YJU2: variants seen among roughly 807,000 people sequenced by gnomAD.
The protein encoded by YJU2 is splicing factor YJU2.
Under a neutral mutation model 39.6 loss-of-function variants are expected in YJU2, and 28 were observed. That is an observed-to-expected ratio of 0.71 (90% CI 0.52 to 0.97). The LOEUF is 0.97. YJU2 is among the 50% of genes least tolerant of loss of function. YJU2 has a pLI of 0.00. For missense variants in YJU2, 328 were observed against 430.4 expected (o/e 0.76, Z 2.11); for synonymous variants, 184 against 182.4 (o/e 1.01, Z -0.07).
At chr19:4,267,171 G>A (rs149928149) in intron 6 of YJU2, among the ~76,000 whole-genome samples, 191 of 152,168 alleles carry the variant, frequency 1.3e-3, no homozygotes, top group Non-Finnish European at 1.3e-3. Flanking sequence ...AGGAGCTCAC[G>A]GCAGAGTTGG....
At chr19:4,258,889 C>T (rs527426040) in intron 5 of YJU2, among the ~76,000 whole-genome samples, 2 of 152,146 alleles carry the variant, frequency 1.3e-5, no homozygotes, top group South Asian at 2.1e-4. Flanking sequence ...ATTCCAGACT[C>T]CAGAGGAAAG....
chr19:4,248,018 C>T (rs147398613), intron 1 of YJU2: 30 of 152,214 alleles, frequency 2.0e-4, no homozygotes, highest in African/African-American at 6.7e-4. Flanking sequence ...AGGCGCCCGC[C>T]ACCATGCCTG....
Position 4,249,329 on chromosome 19 carries a change from G to A in YJU2, c.125+1G>A, listed in dbSNP as rs1970956746. On this transcript the variant is annotated splice_donor_variant, in intron 2 of 7. Transcript: ENST00000262962. LOFTEE classifies it high-confidence loss of function. ...GGCTGATGGCCCCCTTCAACATGAG[G>A]TGAGCACCCCCTGCGTGACCCCACA... is the stretch of plus-strand genomic sequence containing the variant. 1 of 1,606,690 alleles carries A rather than the reference G, an allele frequency of 6.2e-7. No homozygotes were observed. Among genetic ancestry groups the A allele is most frequent in the Non-Finnish European group, 8.5e-7 (1 of 1,173,926 alleles).
chr19:4,247,666 T>C lies in YJU2; in HGVS notation c.24+496T>C, dbSNP rs1291868605. On this transcript the variant is annotated intron_variant, in intron 1 of 7. Transcript: ENST00000262962. The stretch of plus-strand genomic sequence containing the variant: ...GTGTGTGTGTGTGTGTGTGTGTGTG[T>C]GTGTGTGTGTGTGTGTGTGTGTGTG... Among the ~76,000 whole-genome samples the C allele has an allele frequency of 9.0e-3, 777 of 86,768 alleles. 74 individuals are homozygous for C. Among genetic ancestry groups the C allele is most frequent in the African/African-American group, 0.015 (273 of 18,254 alleles). The allele number at this position is 86,768 out of a possible 152,430, so 56.9% of individuals were successfully genotyped here.
chr19:4,254,867 C>T (rs569586693), intron 4 of YJU2, among the ~76,000 whole-genome samples: 1 of 152,062 alleles, frequency 6.6e-6, no homozygotes, highest in Non-Finnish European at 1.5e-5. Context: ...ACCAGCCTGA[C>T]CAACATGGTG....
chr19:4,260,141 G>C (rs1365564899), intron 5 of YJU2, among the ~76,000 whole-genome samples: 2 of 152,162 alleles, frequency 1.3e-5, no homozygotes, highest in East Asian at 3.9e-4. Flanking sequence ...AAAAGTAGAA[G>C]GGGCCGGGCG....
chr19:4,247,087 C>G lies in YJU2; in HGVS notation c.-60C>G. 4 of 1,547,434 alleles carry G rather than the reference C, an allele frequency of 2.6e-6. No homozygotes were observed. The highest frequency in any genetic ancestry group is 2.7e-6 in the Non-Finnish European group (3 of 1,119,156). On this transcript the variant is annotated 5_prime_UTR_variant, in exon 1 of 8. Coordinates refer to ENST00000262962, the MANE Select transcript of YJU2 (RefSeq NM_018074.6). ...GGAAGTAAGGCTTCCGTCGGAAAAG[C>G]TCGATAATTACCCAGCCTAACCATT...
intron 1 of YJU2, among the ~76,000 whole-genome samples, chr19:4,248,989 C>T (rs1970953567): frequency 6.6e-6 from 1 of 152,126 alleles, no homozygotes; most frequent in Admixed American, 6.6e-5. Flanking sequence ...TGTGTATTGT[C>T]ATGACTGGTA....
At position 4,249,203 on chromosome 19, in the gene YJU2, C is replaced by G. The variant is rs201409768; in HGVS notation, c.25-25C>G. 98 of 1,523,932 alleles carry G rather than the reference C, an allele frequency of 6.4e-5. No individual in the cohort carries two copies. The African/African-American group carries it at 1.2e-3, about 19-fold the overall frequency. The allele number at this position is 1,523,932 out of a possible 1,614,324, so 94.4% of individuals were successfully genotyped here. On this transcript the variant is annotated intron_variant, in intron 1 of 7. Transcript: ENST00000262962. The stretch of plus-strand genomic sequence containing the variant: ...GCCCCTGCTTCTGAAAATAACTCCC[C>G]CAACGTTTCCTTCCTCCCCTGCAGA...
intron 3 of YJU2, among the ~76,000 whole-genome samples, chr19:4,251,881 G>A (rs10411248): frequency 0.032 from 4,880 of 151,846 alleles, 271 homozygotes; most frequent in African/African-American, 0.11. Context: ...CAGGTACTTG[G>A]GAGACCAAAG....
At chr19:4,264,954 T>C (rs1171777269) in intron 6 of YJU2, among the ~76,000 whole-genome samples, 1 of 152,204 alleles carries the variant, frequency 6.6e-6, no homozygotes, top group Admixed American at 6.6e-5. Context: ...TCTTTGAAGC[T>C]GTGTCCTCTG....
chr19:4,247,439 G>GT (rs11386562), intron 1 of YJU2: 190,565 of 358,474 alleles, frequency 0.53, 53,945 homozygotes, highest in African/African-American at 0.83. Context: ...ACCAGATAGG[G>GT]TTTTTTTTCT....
At position 4,258,438 on chromosome 19, in the gene YJU2, G is replaced by A. The variant is rs755554451; in HGVS notation, c.587+15G>A. The A allele has an allele frequency of 6.4e-7, 1 of 1,564,226 alleles. No homozygotes were observed. Among genetic ancestry groups the A allele is most frequent in the Non-Finnish European group, 8.7e-7 (1 of 1,154,942 alleles). On this transcript the variant is annotated intron_variant, in intron 5 of 7. Coordinates refer to ENST00000262962, the MANE Select transcript of YJU2 (RefSeq NM_018074.6). Reference sequence around the variant, plus strand: ...CAGGAGACCGCGTGAGTCAGGGCCGGCCCAACCCAGCCCCACCTCGCAGCC... The same window carrying A: ...CAGGAGACCGCGTGAGTCAGGGCCGACCCAACCCAGCCCCACCTCGCAGCC...
At chr19:4,265,324 T>C (rs1971107300) in intron 6 of YJU2, among the ~76,000 whole-genome samples, 1 of 152,086 alleles carries the variant, frequency 6.6e-6, no homozygotes, top group Non-Finnish European at 1.5e-5. Flanking sequence ...CACAGCTCGC[T>C]GCAGCCTCCA....
Position 4,267,860 on chromosome 19 carries a change from T to C in YJU2, c.859+86T>C, listed in dbSNP as rs1266273642. 5 of 1,319,998 alleles carry C rather than the reference T, an allele frequency of 3.8e-6. No individual in the cohort carries two copies. In the African/African-American group the frequency reaches 7.3e-5, roughly 19 times the overall value. 81.8% of individuals were successfully genotyped at this position (1,319,998 alleles called of 1,614,324 possible). On this transcript the variant is annotated intron_variant, in intron 7 of 7. Coordinates refer to ENST00000262962, the MANE Select transcript of YJU2 (RefSeq NM_018074.6). Reference sequence around the variant, plus strand: ...AGCTCCCTTTGCAGTTACAGAGACTTCATGGGGTGGGTGGGGGCGGCCTGC... The same window carrying C: ...AGCTCCCTTTGCAGTTACAGAGACTCCATGGGGTGGGTGGGGGCGGCCTGC...
intron 6 of YJU2, among the ~76,000 whole-genome samples, chr19:4,264,511 A>C (rs370986795): frequency 1.6e-4 from 23 of 144,046 alleles, no homozygotes; most frequent in Middle Eastern, 3.7e-3. Flanking sequence ...TTTTTTAGAC[A>C]GTTTCACTCT....
rs143130335 is a variant in YJU2 at position 4,262,252 on chromosome 19, G to A, written c.708+138G>A. Reference sequence around the variant, plus strand: ...CTCGCTCTGTCGCCTAGGCTGGAGTGCAGTGGCACGATCTTGGCTCACTGC... The same window carrying A: ...CTCGCTCTGTCGCCTAGGCTGGAGTACAGTGGCACGATCTTGGCTCACTGC... On this transcript the variant is annotated intron_variant, in intron 6 of 7. Transcript: ENST00000262962. 4.0e-3 allele frequency: 3,440 copies of A among 867,410 alleles called. 13 individuals carry two copies. Among genetic ancestry groups the A allele is most frequent in the Middle Eastern group, 6.7e-3 (18 of 2,696 alleles). 53.7% of individuals were successfully genotyped at this position (867,410 alleles called of 1,614,324 possible).
chr19:4,265,855 T>C (rs1971111197), intron 6 of YJU2, among the ~76,000 whole-genome samples: 1 of 152,034 alleles, frequency 6.6e-6, no homozygotes, highest in Non-Finnish European at 1.5e-5. Context: ...CGCCTCGGCC[T>C]CCCAAAGTGT....
intron 4 of YJU2, among the ~76,000 whole-genome samples, chr19:4,257,772 C>T (rs945082306): frequency 2.1e-4 from 32 of 151,938 alleles, no homozygotes; most frequent in Non-Finnish European, 4.4e-5. Flanking sequence ...TAACACCCAG[C>T]CTGTATTTTT....
Sources: gnomAD v4.1 joint callset for allele counts (sites outside exome capture counted in the v4.1 genomes callset) on GRCh38, gnomAD v4.1.1 for gene constraint, MANE v1.5 for transcripts, NCBI Gene and HGNC (gene_info 2026-07-23, HGNC 2026-07-21) for gene names.